The following CRMP1 variants were observed in gnomAD, a reference collection of about 807,000 sequenced individuals.
The protein encoded by CRMP1 is collapsin response mediator protein 1.
A neutral mutation model predicts 68.3 loss-of-function variants in CRMP1; 19 were observed. The ratio of observed to expected loss-of-function variants is 0.28; its 90% CI spans 0.19 to 0.41. CRMP1 has a LOEUF of 0.41. Among genes scored for constraint, CRMP1 ranks in the 10% least tolerant of loss-of-function variants. CRMP1 has a pLI of 1.00. For synonymous variants in CRMP1, 439 were observed against 399.6 expected (o/e 1.10, Z -1.18); for missense variants, 791 against 967.4 (o/e 0.82, Z 2.42).
Position 5,866,687 on chromosome 4 carries a change from G to T in CRMP1, c.451C>A (p.Leu151Met). The change falls in exon 2 of 14, where the codon CTG (leucine) becomes ATG (methionine). Residue 151 changes from leucine to methionine, a missense_variant. By Grantham distance (15) the Leu-to-Met change is conservative. This residue lies in a region of CRMP1 where 594 missense variants were observed against 763.6 expected (regional missense o/e 0.78). Coordinates refer to ENST00000324989, the MANE Select transcript of CRMP1 (RefSeq NM_001014809.3). The surrounding 1 kb of genome is among the most constrained non-coding windows in gnomAD (Gnocchi z 5.9). ...ACCCACTTGATAAGTCCATCCTCCA[G>T]GTAGACGTCAGCATAAAGGGATTGG... ...DDQSLYADVY[L>M]EDGLIKQIGE... The T allele has an allele frequency of 6.2e-7, 1 of 1,612,722 alleles. No homozygotes were observed. Among genetic ancestry groups the T allele is most frequent in the Non-Finnish European group, 8.5e-7 (1 of 1,179,760 alleles).
At position 5,858,627 on chromosome 4, in the gene CRMP1, A is replaced by G. The variant is rs1305590220; in HGVS notation, c.656-2320T>C. Among the ~76,000 whole-genome samples the G allele has an allele frequency of 6.6e-6, 1 of 152,020 alleles. No individual in the cohort carries two copies. Among genetic ancestry groups the G allele is most frequent in the Non-Finnish European group, 1.5e-5 (1 of 67,988 alleles). On this transcript the variant is annotated intron_variant, in intron 3 of 13. Coordinates refer to ENST00000324989, the MANE Select transcript of CRMP1 (RefSeq NM_001014809.3). The surrounding 1 kb of genome is among the most constrained non-coding windows in gnomAD (Gnocchi z 5.5). ...AGCTGAATTACGCAATCGCCTCCCA[A>G]CTGGTCCAGACACATCCCATCCAGG...
In CRMP1 at chr4:5,849,389, C is replaced by G. The variant is rs1004327907; in HGVS notation, c.963+3G>C. 1 of 1,612,492 alleles carries G rather than the reference C, an allele frequency of 6.2e-7. No homozygotes were observed. On this transcript the variant is annotated splice_donor_region_variant and intron_variant, in intron 6 of 13. Transcript: ENST00000324989. ...AGAAGGAGTGGAAATTCTTGCCACT[C>G]ACCTGAGCTATCAAATCTCCATTTT...
At chr4:5,868,271 A>AGATATATATC (rs1714155143) in intron 1 of CRMP1, among the ~76,000 whole-genome samples, 1 of 24,676 alleles carries the variant, frequency 4.1e-5, no homozygotes, top group African/African-American at 1.2e-4. Flanking sequence ...CTATATATAT[A>AGATATATATC]TATATATATA....
At chr4:5,823,299 A>C (rs566151459) in intron 13 of CRMP1, among the ~76,000 whole-genome samples, 16 of 152,200 alleles carry the variant, frequency 1.1e-4, no homozygotes, top group African/African-American at 2.9e-4. Context: ...CTTTTCTCCC[A>C]TTGTTTCACT....
intron 10 of CRMP1, among the ~76,000 whole-genome samples, chr4:5,836,514 G>GAAACA (rs777353109): frequency 6.6e-6 from 1 of 152,172 alleles, no homozygotes; most frequent in African/African-American, 2.4e-5. Context: ...ACGTGGTTGA[G>GAAACA]AAACAAAACA....
At chr4:5,875,980 G>A (rs545371788) in intron 1 of CRMP1, among the ~76,000 whole-genome samples, 10 of 151,972 alleles carry the variant, frequency 6.6e-5, no homozygotes, top group South Asian at 6.3e-4. Context: ...GTGAAACCCC[G>A]TCTCTACTAA....
rs925121402 is a variant in CRMP1 at position 5,861,654 on chromosome 4, G to A, written c.471-444C>T. On this transcript the variant is annotated intron_variant, in intron 2 of 13. Transcript: ENST00000324989. The surrounding 1 kb of genome is among the most constrained non-coding windows in gnomAD (Gnocchi z 6.0). ...GAAAAGAGCCTACGAAATGAGAAAC[G>A]AAGCCCCCGGGGATCTCCATGGGTG... 8.5e-5 allele frequency among the ~76,000 whole-genome samples: 13 copies of A among 152,238 alleles called. No homozygotes were observed. Among genetic ancestry groups the A allele is most frequent in the Middle Eastern group, 3.4e-3 (1 of 294 alleles).
intron 8 of CRMP1, 62 bp from the exon 9 acceptor site, chr4:5,839,740 G>A (rs1711563036): frequency 1.1e-5 from 16 of 1,517,506 alleles, no homozygotes; most frequent in Non-Finnish European, 1.2e-5. Context: ...AGATGTCAAA[G>A]GCACAAAATT....
At position 5,861,696 on chromosome 4, in the gene CRMP1, G is replaced by T. The variant is rs1219676517; in HGVS notation, c.471-486C>A. Among the ~76,000 whole-genome samples the T allele has an allele frequency of 1.3e-5, 2 of 152,124 alleles. No homozygotes were observed. Among genetic ancestry groups the T allele is most frequent in the Non-Finnish European group, 2.9e-5 (2 of 68,020 alleles). On this transcript the variant is annotated intron_variant, in intron 2 of 13. Coordinates refer to ENST00000324989, the MANE Select transcript of CRMP1 (RefSeq NM_001014809.3). This position sits in a 1 kb window ranked among gnomAD's most constrained non-coding sequence, Gnocchi z 6.0. ...CCATGGGTGACTTATTGATGACGGT[G>T]GCTTCTGGTTTTTATTTGCTGGCAC...
At position 5,825,126 on chromosome 4, in the gene CRMP1, C is replaced by A. The variant is rs1020173902; in HGVS notation, c.1969+368G>T. On this transcript the variant is annotated intron_variant, in intron 13 of 13. Coordinates refer to ENST00000324989, the MANE Select transcript of CRMP1 (RefSeq NM_001014809.3). The surrounding 1 kb of genome is among the most constrained non-coding windows in gnomAD (Gnocchi z 4.4). ...CTAAAGACTTACACAGAGCACATGC[C>A]CTGCAAATGGCAGCTACTCCCATCT... 1 of 985,416 alleles carries A rather than the reference C, an allele frequency of 1.0e-6. No homozygotes were observed. The highest frequency in any genetic ancestry group is 1.2e-6 in the Non-Finnish European group (1 of 829,938). 61.0% of individuals were successfully genotyped at this position (985,416 alleles called of 1,614,324 possible). A position where few individuals can be genotyped will look rare whatever the true frequency, so the allele number is the denominator to read the frequency against.
rs942952924 is a variant in CRMP1 at position 5,893,075 on chromosome 4, G to A, written c.-106C>T. On this transcript the variant is annotated 5_prime_UTR_variant, in exon 1 of 14. Transcript: ENST00000324989. Reference sequence around the variant, plus strand: ...CCTCGGTGCGGGCCTGCGGCGGCCCGGGCGCGACTGCGGCCCAGGGAGGGG... The same window carrying A: ...CCTCGGTGCGGGCCTGCGGCGGCCCAGGCGCGACTGCGGCCCAGGGAGGGG... 3 of 780,726 alleles carry A rather than the reference G, an allele frequency of 3.8e-6. No individual in the cohort carries two copies. Among genetic ancestry groups the A allele is most frequent in the East Asian group, 1.3e-4 (1 of 7,910 alleles). 48.4% of individuals were successfully genotyped at this position (780,726 alleles called of 1,614,324 possible).
In CRMP1 at chr4:5,872,945, G is replaced by A. The variant is rs1714562693; in HGVS notation, c.382-6189C>T. Among the ~76,000 whole-genome samples the A allele has an allele frequency of 6.6e-6, 1 of 152,156 alleles. No individual in the cohort carries two copies. The highest frequency in any genetic ancestry group is 2.4e-5 in the African/African-American group (1 of 41,436). On this transcript the variant is annotated intron_variant, in intron 1 of 13. Coordinates refer to ENST00000324989, the MANE Select transcript of CRMP1 (RefSeq NM_001014809.3). This position sits in a 1 kb window ranked among gnomAD's most constrained non-coding sequence, Gnocchi z 4.6. ...TGACTTACCGAGCCTCAGTTTCCTT[G>A]TCTATGAGATGGGGATAATTGGCTC...
At chr4:5,886,817 CAT>C (rs917093885) in intron 1 of CRMP1, among the ~76,000 whole-genome samples, 2 of 152,206 alleles carry the variant, frequency 1.3e-5, no homozygotes, top group African/African-American at 4.8e-5. Context: ...AGGAAGCAAC[CAT>C]ATGTGTTCTA....
At position 5,821,642 on chromosome 4, in the gene CRMP1, G is replaced by A. The variant is rs1186205941; in HGVS notation, c.*118C>T. The A allele has an allele frequency of 2.6e-4, 242 of 937,990 alleles. 2 individuals carry two copies. The East Asian group carries it at 6.0e-3, about 23-fold the overall frequency. 58.1% of individuals were successfully genotyped at this position (937,990 alleles called of 1,614,324 possible). On this transcript the variant is annotated 3_prime_UTR_variant, in exon 14 of 14. Transcript: ENST00000324989. The surrounding 1 kb of genome is among the most constrained non-coding windows in gnomAD (Gnocchi z 4.4). Reference sequence around the variant, plus strand: ...ACAGAAAAGGGAAAGAGCATCCTTCGACTTCCCCCTCCCTCCATCAGCACC... The same window carrying A: ...ACAGAAAAGGGAAAGAGCATCCTTCAACTTCCCCCTCCCTCCATCAGCACC...
At chr4:5,849,590 G>A (rs1043659510) in intron 5 of CRMP1, 118 bp from the exon 6 acceptor site, 20 of 651,550 alleles carry the variant, frequency 3.1e-5, no homozygotes, top group Non-Finnish European at 4.9e-5. Context: ...GCCAGCCTCT[G>A]CAAACACATT....
chr4:5,867,907 AACACAC>A (rs141328248), intron 1 of CRMP1, among the ~76,000 whole-genome samples: 1 of 150,100 alleles, frequency 6.7e-6, no homozygotes, highest in East Asian at 2.0e-4. Flanking sequence ...TGGATAGATA[AACACAC>A]ACACACACAC....
chr4:5,836,957 C>A, intron 9 of CRMP1, 51 bp from the exon 10 acceptor site: 2 of 1,546,982 alleles, frequency 1.3e-6, no homozygotes, highest in East Asian at 4.5e-5. Context: ...ATTTTGAAGG[C>A]AAATCCTGAC....
At chr4:5,862,013 C>A (rs1713600624) in intron 2 of CRMP1, among the ~76,000 whole-genome samples, 1 of 152,234 alleles carries the variant, frequency 6.6e-6, no homozygotes. Flanking sequence ...GCAGCCTCTG[C>A]CCTCCTGGGC....
intron 1 of CRMP1, among the ~76,000 whole-genome samples, chr4:5,878,780 G>T (rs556955111): frequency 6.6e-6 from 1 of 152,206 alleles, no homozygotes; most frequent in Admixed American, 6.5e-5. Flanking sequence ...TTAACCCACG[G>T]ATAGCACTTC....
Sources: gnomAD v4.1 joint callset for allele counts (sites outside exome capture counted in the v4.1 genomes callset) on GRCh38, gnomAD v4.1.1 for gene constraint, gnomAD v4.1.1 regional missense constraint, Gnocchi (gnomAD v3.1) non-coding constraint, MANE v1.5 for transcripts, NCBI Gene and HGNC (gene_info 2026-07-23, HGNC 2026-07-21) for gene names.